Variants in ZNF831 observed in about 807,000 individuals in gnomAD.
ZNF831 encodes the protein zinc finger protein 831, also known as chromosome 20 open reading frame 174.
In ZNF831, 59 loss-of-function variants were observed where a neutral mutation model predicts 95.8. The observed-to-expected ratio is 0.62, with a 90% confidence interval of 0.50 to 0.77. The LOEUF is 0.77. ZNF831 is among the 30% of genes least tolerant of loss of function. The pLI, the probability that ZNF831 is intolerant of heterozygous loss-of-function variation, is 0.00. For synonymous variants in ZNF831, 961 were observed against 925.5 expected, an observed-to-expected ratio of 1.04 and a Z score of -0.70; for missense variants, 2,205 against 2,164.0, an observed-to-expected ratio of 1.02 and a Z score of -0.38.
At chr20:59,225,227 C>G (rs1986352973) in intron 4 of ZNF831, among the ~76,000 whole-genome samples, 1 of 152,212 alleles carries the variant, frequency 6.6e-6, no homozygotes, top group African/African-American at 2.4e-5. Flanking sequence ...GTGGTTTACT[C>G]TGGAAGTCTC....
chr20:59,172,454 G>A (rs1051606244), intron 1 of ZNF831, among the ~76,000 whole-genome samples: 1 of 152,240 alleles, frequency 6.6e-6, no homozygotes, highest in African/African-American at 2.4e-5. Context: ...AGATCTTTTC[G>A]GGGATGCGGA....
rs537068656 is a variant in ZNF831, at chr20:59,196,016, T to G, written c.3875+11T>G. 3 of 1,612,776 alleles carry G rather than the reference T, an allele frequency of 1.9e-6. No individual in the cohort carries two copies. In the African/African-American group the frequency reaches 4.0e-5, roughly 22 times the overall value. The stretch of plus-strand genomic sequence containing the variant: ...GATCAACCCTAAAAGGTAGGATGAG[T>G]GGCCACCTCTGTCATTTCCACAAAA... On this transcript the variant is annotated intron_variant, in intron 3 of 5. Transcript: ENST00000371030.
chr20:59,217,928 A>G lies in ZNF831; in HGVS notation c.4027+10872A>G, dbSNP rs938063537. ...CAGCCTGCTCTGGGGGGACTCTGTCACTGCAAAGGACATCAAGGCCTTCCT... is the reference window on the plus strand; with the variant it reads ...CAGCCTGCTCTGGGGGGACTCTGTCGCTGCAAAGGACATCAAGGCCTTCCT... On this transcript the variant is annotated intron_variant, in intron 4 of 5. Transcript: ENST00000371030. This position sits in a 1 kb window ranked among gnomAD's most constrained non-coding sequence, Gnocchi z 4.4. 2.6e-5 allele frequency among the ~76,000 whole-genome samples: 4 copies of G among 152,214 alleles called. No individual in the cohort carries two copies. The highest frequency in any genetic ancestry group is 2.1e-4 in the South Asian group (1 of 4,832).
At chr20:59,138,925 A>G (rs1979592175) in intron 1 of ZNF831, among the ~76,000 whole-genome samples, 1 of 150,964 alleles carries the variant, frequency 6.6e-6, no homozygotes, top group Non-Finnish European at 1.5e-5. Flanking sequence ...TTACTCTCTT[A>G]TTTTTCAGAC....
At chr20:59,253,206 G>T in intron 5 of ZNF831, 68 bp downstream of exon 5, 2 of 1,562,158 alleles carry the variant, frequency 1.3e-6, no homozygotes, top group South Asian at 1.2e-5. Context: ...GCTTGTTCTT[G>T]CTGCTCTTGT....
chr20:59,150,360 G>A (rs554642809), intron 2 of ZNF831, among the ~76,000 whole-genome samples: 4 of 152,166 alleles, frequency 2.6e-5, no homozygotes, highest in East Asian at 3.9e-4. Flanking sequence ...TGGACCTCGG[G>A]TCACAGGTAG....
chr20:59,152,850 A>G (rs1481853882), intron 2 of ZNF831, among the ~76,000 whole-genome samples: 1 of 152,104 alleles, frequency 6.6e-6, no homozygotes, highest in African/African-American at 2.4e-5. Context: ...TGGCTGAGGA[A>G]GTGGGCAGAG....
intron 2 of ZNF831, 79 bp from the exon 3 acceptor site, chr20:59,195,790 G>A: frequency 1.3e-6 from 2 of 1,535,040 alleles, no homozygotes; most frequent in Non-Finnish European, 1.7e-6. Context: ...CATCTTGTCT[G>A]CAGAGCGAGA....
intron 1 of ZNF831, among the ~76,000 whole-genome samples, chr20:59,135,563 C>T (rs1280718355): frequency 6.6e-6 from 1 of 152,158 alleles, no homozygotes; most frequent in African/African-American, 2.4e-5. Context: ...AACCCTGTCT[C>T]TACTAAAAAT....
chr20:59,250,676 G>A (rs888347573), intron 4 of ZNF831, among the ~76,000 whole-genome samples: 3 of 152,098 alleles, frequency 2.0e-5, no homozygotes, highest in Non-Finnish European at 2.9e-5. Flanking sequence ...TAACATTGCC[G>A]GGGGTAAAAG....
At chr20:59,220,690 T>C (rs1409038981) in intron 4 of ZNF831, among the ~76,000 whole-genome samples, 3 of 152,082 alleles carry the variant, frequency 2.0e-5, no homozygotes, top group Non-Finnish European at 4.4e-5. Context: ...CACAATTCTG[T>C]TTTTATTGTT....
At chr20:59,174,678 G>A (rs1568739380) in intron 1 of ZNF831, among the ~76,000 whole-genome samples, 1 of 151,830 alleles carries the variant, frequency 6.6e-6, no homozygotes, top group African/African-American at 2.4e-5. Flanking sequence ...ACGCACCACT[G>A]ATCAATGTAT....
intron 1 of ZNF831, among the ~76,000 whole-genome samples, chr20:59,133,427 A>C (rs1292291698): frequency 6.6e-6 from 1 of 152,206 alleles, no homozygotes; most frequent in Non-Finnish European, 1.5e-5. Flanking sequence ...CTCCCCCGTC[A>C]AGTTCTTATC....
rs2146557322 is a variant in ZNF831 at position 59,191,971 on chromosome 20, C to T, written c.952C>T (p.Gln318Ter). The T allele has an allele frequency of 1.2e-6, 2 of 1,606,710 alleles. No homozygotes were observed. The highest frequency in any genetic ancestry group is 1.7e-6 in the Non-Finnish European group (2 of 1,177,376). Reference protein sequence around the residue: ...TAGKPCALQRQQATAAEKPWD... With the variant: ...TAGKPCALQR ...CGGGAAGCCGTGCGCCCTGCAGCGG[C>T]AGCAGGCGACGGCAGCGGAGAAGCC... The change falls in exon 2 of 6, where the codon CAG becomes TAG. Residue 318 changes from glutamine (Q) to a stop codon, truncating the protein, a stop_gained. Transcript: ENST00000371030. LOFTEE classifies it high-confidence loss of function.
At position 59,207,051 on chromosome 20, in the gene ZNF831, T is replaced by C. The variant is rs371746237; in HGVS notation, c.4022T>C (p.Ile1341Thr). ...ACCCCTGGGCAGACCTCTTCAGAAA[T>C]AGCAGGTAATGCTCTCTTTGGAGGT... ...CRTPGQTSSE[I>T]AGLNLQEEPS... is the part of the protein sequence containing the mutation. Residue 1341 changes from isoleucine to threonine, a missense_variant, in exon 4 of 6, where the codon ATA (isoleucine) becomes ACA (threonine). Transcript: ENST00000371030. 104 of 1,613,814 alleles carry C rather than the reference T, an allele frequency of 6.4e-5. No individual in the cohort carries two copies. Among genetic ancestry groups the C allele is most frequent in the Non-Finnish European group, 8.2e-5 (97 of 1,179,960 alleles).
rs117270317 is a variant in ZNF831 at position 59,219,528 on chromosome 20, C to T, written c.4027+12472C>T. Among the ~76,000 whole-genome samples, 97 of 152,168 alleles carry T rather than the reference C, an allele frequency of 6.4e-4. No individual in the cohort carries two copies. In the East Asian group the frequency reaches 0.014, roughly 21 times the overall value. ...GGGATCCTGACAAGGCCTGCTGGAG[C>T]GGAGAGGGGAGAGTGTGCTAGCATA... On this transcript the variant is annotated intron_variant, in intron 4 of 5. Transcript: ENST00000371030.
rs763055181 is a variant in ZNF831 at position 59,193,958 on chromosome 20, T to C, written c.2939T>C (p.Val980Ala). 1 of 1,575,642 alleles carries C rather than the reference T, an allele frequency of 6.3e-7. No individual in the cohort carries two copies. Among genetic ancestry groups the C allele is most frequent in the Middle Eastern group, 1.7e-4 (1 of 5,866 alleles). The change falls in exon 2 of 6, where the codon GTT becomes GCT. Residue 980 changes from valine to alanine, a missense_variant. Physicochemically the swap from Val to Ala is moderately conservative, Grantham distance 64 (BLOSUM62 0). Transcript: ENST00000371030. ...SGWPEERASF[V>A]GSGLGTPLSP... ...TGGCCTGAAGAACGGGCATCATTTG[T>C]TGGGTCAGGACTGGGGACCCCTCTT...
At position 59,255,094 on chromosome 20, in the gene ZNF831, C is replaced by T. The variant is rs1988116295; in HGVS notation, c.*351C>T. The T allele has an allele frequency of 5.0e-6, 1 of 201,920 alleles. No homozygotes were observed. Among genetic ancestry groups the T allele is most frequent in the Non-Finnish European group, 1.0e-5 (1 of 97,942 alleles). 12.5% of individuals were successfully genotyped at this position (201,920 alleles called of 1,614,324 possible). On this transcript the variant is annotated 3_prime_UTR_variant, in exon 6 of 6. Transcript: ENST00000371030. ...ACTGCCTCTCTGCAATCAAATGGCA[C>T]TAACCAAGAAAGCCACCATCAACAC...
chr20:59,241,622 G>T (rs933702798), intron 4 of ZNF831, among the ~76,000 whole-genome samples: 1 of 152,162 alleles, frequency 6.6e-6, no homozygotes, highest in African/African-American at 2.4e-5. Context: ...GTAAATTTCT[G>T]TATGTGAAAG....
Sources: gnomAD v4.1 joint callset for allele counts (sites outside exome capture counted in the v4.1 genomes callset) on GRCh38, gnomAD v4.1.1 for gene constraint, Gnocchi (gnomAD v3.1) non-coding constraint, MANE v1.5 for transcripts, NCBI Gene and HGNC (gene_info 2026-07-23, HGNC 2026-07-21) for gene names.